The following TRRAP variants were observed in gnomAD, a reference collection of about 807,000 sequenced individuals.
TRRAP encodes transformation/transcription domain-associated protein.
In TRRAP, 41 loss-of-function variants were observed where a neutral mutation model predicts 438.8. The observed-to-expected ratio is 0.09, with a 90% CI of 0.07 to 0.12. TRRAP has a LOEUF of 0.12. TRRAP is among the 10% of genes least tolerant of loss of function. The pLI, the probability that TRRAP is intolerant of heterozygous loss-of-function variation, is 1.00. For synonymous variants in TRRAP, 1,994 were observed against 1,962.9 expected (o/e 1.02, Z -0.42); for missense variants, 3,122 against 5,055.1 (o/e 0.62, Z 11.60).
intron 56 of TRRAP, among the ~76,000 whole-genome samples, chr7:98,977,771 T>C (rs532527979): frequency 6.6e-6 from 1 of 152,366 alleles, no homozygotes; most frequent in Non-Finnish European, 1.5e-5. Flanking sequence ...CAGAAGCAGA[T>C]GTGGCCTTGC....
intron 69 of TRRAP, among the ~76,000 whole-genome samples, chr7:99,006,937 C>G (rs892164478): frequency 6.6e-6 from 1 of 152,234 alleles, no homozygotes; most frequent in South Asian, 2.1e-4. Flanking sequence ...ACTGGGGAGA[C>G]AGGCTCTGGA....
At chr7:99,008,955 C>CACCT (rs1466347463) in intron 70 of TRRAP, among the ~76,000 whole-genome samples, 1 of 152,174 alleles carries the variant, frequency 6.6e-6, no homozygotes, top group Non-Finnish European at 1.5e-5. Flanking sequence ...TGTTCCTGTT[C>CACCT]ACCTGGTCTG....
In TRRAP at chr7:98,954,158, C is replaced by CT. The variant is rs140345555; in HGVS notation, c.5730+726dup. ...CTGGAGTACCTCGGTGGTTTGGGCT[C>CT]TGAGGTTGGGCACCCCGGGTTTGAG... is the stretch of plus-strand genomic sequence containing the variant. On this transcript the variant is annotated intron_variant, in intron 40 of 72. Transcript: ENST00000456197. Among the ~76,000 whole-genome samples, 1,011 of 152,224 alleles carry CT rather than the reference C, an allele frequency of 6.6e-3. 16 individuals are homozygous for CT. Among genetic ancestry groups the CT allele is most frequent in the African/African-American group, 0.023 (943 of 41,528 alleles).
intron 22 of TRRAP, among the ~76,000 whole-genome samples, chr7:98,925,673 C>T (rs1382663713): frequency 2.6e-5 from 4 of 152,198 alleles, no homozygotes; most frequent in Admixed American, 2.0e-4. Context: ...CTGTATCTTG[C>T]TCTTACCTCT....
chr7:99,005,237 G>A lies in TRRAP; in HGVS notation c.10642G>A (p.Ala3548Thr), dbSNP rs1447791698. Reference sequence around the variant, plus strand: ...CTACCCATACCTCGTCATGAACGACGCCTGCCTCACAGAGTCACGGCGAGA... The same window carrying A: ...CTACCCATACCTCGTCATGAACGACACCTGCCTCACAGAGTCACGGCGAGA... Reference protein sequence around the residue: ...KIYPYLVMNDACLTESRREER... With the variant: ...KIYPYLVMNDTCLTESRREER... The change falls in exon 69 of 73, where the codon GCC becomes ACC. Residue 3548 changes from alanine (A) to threonine (T), a missense_variant. By Grantham distance (58) the Ala-to-Thr change is moderately conservative. Coordinates refer to ENST00000456197, the MANE Select transcript of TRRAP (RefSeq NM_001375524.1). This position sits in a 1 kb window ranked among gnomAD's most constrained non-coding sequence, Gnocchi z 5.1. 3.1e-6 allele frequency: 5 copies of A among 1,614,008 alleles called. No individual in the cohort carries two copies. Among genetic ancestry groups the A allele is most frequent in the South Asian group, 1.1e-5 (1 of 91,078 alleles).
At chr7:98,946,070 C>T in intron 33 of TRRAP, 120 bp downstream of exon 33, 2 of 1,035,676 alleles carry the variant, frequency 1.9e-6, no homozygotes, top group South Asian at 2.0e-5. Flanking sequence ...AGTGCAGTGA[C>T]CTGTATTGTC....
chr7:98,965,810 A>G lies in TRRAP; in HGVS notation c.7091A>G (p.Lys2364Arg). 1.2e-5 allele frequency: 20 copies of G among 1,614,068 alleles called. No homozygotes were observed. Among genetic ancestry groups the G allele is most frequent in the Non-Finnish European group, 1.7e-5 (20 of 1,180,012 alleles). ...GCCATCCTGACATCCCTCATCGAAA[A>G]ATCACCAGATGCCAAAATCCTCCGG... is the stretch of plus-strand genomic sequence containing the variant. The part of the protein sequence containing the change: ...IQAILTSLIE[K>R]SPDAKILRAV... Residue 2364 changes from lysine to arginine, a missense_variant, in exon 49 of 73, where the codon AAA (lysine) becomes AGA (arginine). Physicochemically the swap from Lys to Arg is conservative, Grantham distance 26 (BLOSUM62 2). Coordinates refer to ENST00000456197, the MANE Select transcript of TRRAP (RefSeq NM_001375524.1).
At chr7:98,963,322 G>A (rs1326357288) in intron 47 of TRRAP, among the ~76,000 whole-genome samples, 1 of 152,186 alleles carries the variant, frequency 6.6e-6, no homozygotes. Flanking sequence ...TGCGGAGAGT[G>A]AGGAGTGCTT....
chr7:98,943,075 A>C, intron 31 of TRRAP, 58 bp downstream of exon 31: 1 of 1,578,326 alleles, frequency 6.3e-7, no homozygotes, highest in Non-Finnish European at 8.7e-7. Flanking sequence ...GTCAGTGCTA[A>C]TGCCGGGACA....
chr7:98,921,623 G>T, intron 20 of TRRAP, 130 bp from the exon 21 acceptor site: 1 of 1,223,418 alleles, frequency 8.2e-7, no homozygotes, highest in East Asian at 2.4e-5. Flanking sequence ...TGATCTACCC[G>T]CCTTAGCCTC....
At chr7:98,979,275 C>T (rs1792805768) in intron 58 of TRRAP, among the ~76,000 whole-genome samples, 1 of 152,130 alleles carries the variant, frequency 6.6e-6, no homozygotes, top group Non-Finnish European at 1.5e-5. Context: ...CCAGGACACC[C>T]CAGCGGTACC....
At chr7:98,951,322 C>T (rs1314919738) in intron 39 of TRRAP, among the ~76,000 whole-genome samples, 1 of 152,160 alleles carries the variant, frequency 6.6e-6, no homozygotes, top group Non-Finnish European at 1.5e-5. Flanking sequence ...TGTTGCCGGT[C>T]AGCAGAGTTT....
intron 20 of TRRAP, among the ~76,000 whole-genome samples, chr7:98,918,323 C>T (rs557279896): frequency 2.0e-5 from 3 of 150,662 alleles, no homozygotes; most frequent in African/African-American, 7.3e-5. Context: ...CTCCGCCTCC[C>T]GGGTTCAAGC....
At chr7:98,950,331 C>T in intron 38 of TRRAP, 69 bp downstream of exon 38, 1 of 1,556,814 alleles carries the variant, frequency 6.4e-7, no homozygotes, top group East Asian at 2.3e-5. Context: ...ACTTTGGGCC[C>T]TTTTCTTTTT....
intron 62 of TRRAP, among the ~76,000 whole-genome samples, chr7:98,986,825 G>A (rs1793169890): frequency 6.6e-6 from 1 of 152,152 alleles, no homozygotes. Context: ...GCATTTCATA[G>A]ATTTAGCTCT....
intron 31 of TRRAP, among the ~76,000 whole-genome samples, chr7:98,944,143 G>A (rs1790932610): frequency 6.6e-6 from 1 of 152,160 alleles, no homozygotes; most frequent in East Asian, 1.9e-4. Context: ...ATGAGCCCAG[G>A]CTCCTGGGAT....
intron 63 of TRRAP, among the ~76,000 whole-genome samples, chr7:98,989,801 A>T (rs922607594): frequency 1.3e-5 from 2 of 152,192 alleles, no homozygotes; most frequent in Non-Finnish European, 2.9e-5. Context: ...GCAAAAGTTC[A>T]TTTTGTTTGG....
chr7:98,970,122 C>T lies in TRRAP; in HGVS notation c.7523C>T (p.Ala2508Val). 6.2e-7 allele frequency: 1 copy of T among 1,613,728 alleles called. No individual in the cohort carries two copies. Among genetic ancestry groups the T allele is most frequent in the Non-Finnish European group, 8.5e-7 (1 of 1,179,928 alleles). Residue 2508 changes from alanine to valine, a missense_variant, in exon 52 of 73, where the codon GCC becomes GTC. By Grantham distance (64) the Ala-to-Val change is moderately conservative. Coordinates refer to ENST00000456197, the MANE Select transcript of TRRAP (RefSeq NM_001375524.1). ...WIKQCIELLL[A>V]VCEKSTPIGT... Reference sequence around the variant, plus strand: ...CCGCACCCCTTGCAGCTGCTTCTGGCCGTGTGTGAGAAGAGCACCCCCATT... The same window carrying T: ...CCGCACCCCTTGCAGCTGCTTCTGGTCGTGTGTGAGAAGAGCACCCCCATT...
At chr7:99,006,720 G>C (rs527596095) in intron 69 of TRRAP, among the ~76,000 whole-genome samples, 1 of 152,208 alleles carries the variant, frequency 6.6e-6, no homozygotes, top group African/African-American at 2.4e-5. Flanking sequence ...GACCCTCACC[G>C]GGCAGGCTTA....
Sources: gnomAD v4.1 joint callset for allele counts (sites outside exome capture counted in the v4.1 genomes callset) on GRCh38, gnomAD v4.1.1 for gene constraint, Gnocchi (gnomAD v3.1) non-coding constraint, MANE v1.5 for transcripts, NCBI Gene and HGNC (gene_info 2026-07-23, HGNC 2026-07-21) for gene names.